Variants in PHC2 observed in about 807,000 individuals in gnomAD.
PHC2 encodes the protein polyhomeotic-like protein 2.
In PHC2, 29 loss-of-function variants were observed where a neutral mutation model predicts 87.4. The ratio of observed to expected loss-of-function variants is 0.33; its 90% CI spans 0.25 to 0.45. PHC2 has a LOEUF of 0.45. Ranked by LOEUF, PHC2 falls within the 20% of genes least tolerant of loss-of-function variation. The probability of loss-of-function intolerance (pLI) is 1.00; values close to 1 mark genes in which losing one functional copy is unlikely to be tolerated. For synonymous variants in PHC2, 438 were observed against 461.7 expected (o/e 0.95, Z 0.66); for missense variants, 857 against 1,136.7 (o/e 0.75, Z 3.54).
intron 8 of PHC2, 124 bp downstream of exon 8, chr1:33,354,714 T>G (rs1444833160): frequency 7.5e-7 from 1 of 1,338,370 alleles, no homozygotes; most frequent in Non-Finnish European, 1.0e-6. Context: ...CTCTTCCTTC[T>G]TGGAATCCCC....
At position 33,349,332 on chromosome 1, in the gene PHC2, G is replaced by A. The variant is rs1646911429; in HGVS notation, c.1558+5069C>T. On this transcript the variant is annotated intron_variant, in intron 9 of 14. Transcript: ENST00000683057. The surrounding 1 kb of genome is among the most constrained non-coding windows in gnomAD (Gnocchi z 4.2). ...AGGTTGGGGCTGGGGTGGGGTGTGC[G>A]GGGCCTGGGGACGCGGAAGCTGCGG... 1 of 985,418 alleles carries A rather than the reference G, an allele frequency of 1.0e-6. No individual in the cohort carries two copies. The highest frequency in any genetic ancestry group is 1.7e-5 in the African/African-American group (1 of 57,354). The allele number at this position is 985,418 out of a possible 1,614,324, so 61.0% of individuals were successfully genotyped here. A position where few individuals can be genotyped will look rare whatever the true frequency, so the allele number is the denominator to read the frequency against.
chr1:33,377,625 AAAT>A (rs1426371741), intron 1 of PHC2, among the ~76,000 whole-genome samples: 1 of 151,960 alleles, frequency 6.6e-6, no homozygotes, highest in African/African-American at 2.4e-5. Flanking sequence ...CTACATGGAA[AAAT>A]AATATTTGTT....
At chr1:33,340,049 G>C (rs1646714101) in intron 9 of PHC2, among the ~76,000 whole-genome samples, 1 of 152,176 alleles carries the variant, frequency 6.6e-6, no homozygotes, top group Non-Finnish European at 1.5e-5. Flanking sequence ...GGCTTCAAAG[G>C]CAATGGAGAC....
intron 7 of PHC2, among the ~76,000 whole-genome samples, chr1:33,356,277 G>GTACA (rs1557831088): frequency 1.4e-5 from 1 of 70,182 alleles, no homozygotes. Context: ...ATATATATAT[G>GTACA]TATATATATA....
At position 33,368,916 on chromosome 1, in the gene PHC2, C is replaced by A. The variant is rs1046905445; in HGVS notation, c.577-294G>T. 6.6e-6 allele frequency among the ~76,000 whole-genome samples: 1 copy of A among 152,234 alleles called. No homozygotes were observed. Among genetic ancestry groups the A allele is most frequent in the African/African-American group, 2.4e-5 (1 of 41,550 alleles). On this transcript the variant is annotated intron_variant, in intron 5 of 14. Transcript: ENST00000683057. The surrounding 1 kb of genome is among the most constrained non-coding windows in gnomAD (Gnocchi z 6.6). ...AGCCGCTCTGGGGCTACACCAAAGCCGAGTTCCCTTCAGAACCCTCTGTGA... is the reference window on the plus strand; with the variant it reads ...AGCCGCTCTGGGGCTACACCAAAGCAGAGTTCCCTTCAGAACCCTCTGTGA...
rs1353741106 is a variant in PHC2, at chr1:33,349,031, A to T, written c.1558+5370T>A. The T allele has an allele frequency of 2.1e-6, 2 of 970,376 alleles. No individual in the cohort carries two copies. The highest frequency in any genetic ancestry group is 3.5e-5 in the African/African-American group (2 of 56,906). The allele number at this position is 970,376 out of a possible 1,614,324, so 60.1% of individuals were successfully genotyped here. A position where few individuals can be genotyped will look rare whatever the true frequency, so the allele number is the denominator to read the frequency against. ...CTCACAAATCCCGATTTTAATGTAA[A>T]GAAGCAACAAATATAGTCTACCTTC... On this transcript the variant is annotated intron_variant, in intron 9 of 14. Coordinates refer to ENST00000683057, the MANE Select transcript of PHC2 (RefSeq NM_001385109.1). This position sits in a 1 kb window ranked among gnomAD's most constrained non-coding sequence, Gnocchi z 4.2.
At chr1:33,383,755 G>A (rs1026393928) in intron 1 of PHC2, among the ~76,000 whole-genome samples, 8 of 152,162 alleles carry the variant, frequency 5.3e-5, no homozygotes, top group African/African-American at 1.4e-4. Flanking sequence ...AATATAAGCA[G>A]TGTCCTTATA....
At chr1:33,347,705 C>T (rs1646870901) in intron 9 of PHC2, 1 of 985,480 alleles carries the variant, frequency 1.0e-6, no homozygotes, top group Non-Finnish European at 1.2e-6. Context: ...GTCTATTCTT[C>T]CCTGTGTGCA....
chr1:33,371,426 A>AGCCACCACCATCACACCCG (rs1647830178), intron 3 of PHC2, among the ~76,000 whole-genome samples: 1 of 151,378 alleles, frequency 6.6e-6, no homozygotes, highest in South Asian at 2.1e-4. Context: ...CATCACACCC[A>AGCCACCACCATCACACCCG]GCCACCACCA....
chr1:33,339,020 G>A (rs1438468643), intron 9 of PHC2, among the ~76,000 whole-genome samples: 1 of 152,168 alleles, frequency 6.6e-6, no homozygotes, highest in Admixed American at 6.5e-5. Context: ...CTCATTTCTG[G>A]TCTCATTCAC....
chr1:33,418,346 C>T (rs10914699), intron 1 of PHC2, among the ~76,000 whole-genome samples: 18 of 135,584 alleles, frequency 1.3e-4, no homozygotes, highest in African/African-American at 3.8e-4. Flanking sequence ...GAAAAAGGAG[C>T]AAGAGCAAGA....
In PHC2 at chr1:33,368,908, A is replaced by G. The variant is rs1315496073; in HGVS notation, c.577-286T>C. ...GTGGGGAGAGCCGCTCTGGGGCTACACCAAAGCCGAGTTCCCTTCAGAACC... is the reference window on the plus strand; with the variant it reads ...GTGGGGAGAGCCGCTCTGGGGCTACGCCAAAGCCGAGTTCCCTTCAGAACC... On this transcript the variant is annotated intron_variant, in intron 5 of 14. Coordinates refer to ENST00000683057, the MANE Select transcript of PHC2 (RefSeq NM_001385109.1). This position sits in a 1 kb window ranked among gnomAD's most constrained non-coding sequence, Gnocchi z 6.6. Among the ~76,000 whole-genome samples, 1 of 152,110 alleles carries G rather than the reference A, an allele frequency of 6.6e-6. No individual in the cohort carries two copies. The highest frequency in any genetic ancestry group is 1.9e-4 in the East Asian group (1 of 5,180).
intron 1 of PHC2, among the ~76,000 whole-genome samples, chr1:33,387,623 A>AT (rs1460716995): frequency 6.6e-6 from 1 of 152,178 alleles, no homozygotes; most frequent in Admixed American, 6.5e-5. Context: ...CTACTTCCTC[A>AT]TTTTTCTCAC....
Position 33,338,534 on chromosome 1 carries a change from G to A in PHC2, c.1559-4242C>T, listed in dbSNP as rs118084456. 4.2e-3 allele frequency among the ~76,000 whole-genome samples: 647 copies of A among 152,272 alleles called. 2 individuals carry two copies. The highest frequency in any genetic ancestry group is 6.2e-3 in the Non-Finnish European group (419 of 68,022). On this transcript the variant is annotated intron_variant, in intron 9 of 14. Coordinates refer to ENST00000683057, the MANE Select transcript of PHC2 (RefSeq NM_001385109.1). ...AGTTTGGGCTATTCCTGGAATGACC[G>A]AACACAATCTCGCCCCCTGCCAAGC...
chr1:33,421,823 G>A (rs1013824253), intron 1 of PHC2, among the ~76,000 whole-genome samples: 1 of 152,144 alleles, frequency 6.6e-6, no homozygotes, highest in Non-Finnish European at 1.5e-5. Flanking sequence ...AAGGTTCTTC[G>A]CTAACTGCAT....
At position 33,337,183 on chromosome 1, in the gene PHC2, T is replaced by C. The variant is rs189479868; in HGVS notation, c.1559-2891A>G. On this transcript the variant is annotated intron_variant, in intron 9 of 14. Coordinates refer to ENST00000683057, the MANE Select transcript of PHC2 (RefSeq NM_001385109.1). ...TAATGAACTGCAGATTATACAATTA[T>C]AGGATTGGAAAGTCTGGTTCGATCT... 3.3e-3 allele frequency among the ~76,000 whole-genome samples: 496 copies of C among 152,314 alleles called. 2 individuals carry two copies. Among genetic ancestry groups the C allele is most frequent in the Middle Eastern group, 0.017 (5 of 294 alleles).
At chr1:33,325,171 A>G in intron 14 of PHC2, 152 bp from the exon 15 acceptor site, 1 of 754,270 alleles carries the variant, frequency 1.3e-6, no homozygotes, top group South Asian at 2.1e-5. Flanking sequence ...TGCTGTTCTT[A>G]TTTTGCAGCT....
At position 33,324,591 on chromosome 1, in the gene PHC2, C is replaced by CTAGAG. The variant is rs1018213971; in HGVS notation, c.*269_*273dup. The CTAGAG allele has an allele frequency of 8.8e-6, 3 of 341,526 alleles. No individual in the cohort carries two copies. The highest frequency in any genetic ancestry group is 6.3e-5 in the African/African-American group (3 of 47,708). The allele number at this position is 341,526 out of a possible 1,614,324, so 21.2% of individuals were successfully genotyped here. Reference sequence around the variant, plus strand: ...ACAGAAAGAGGGGAAGAGAGCGGGGCTAGAGTATTGGGACTTTGGAGGAAG... The same window carrying CTAGAG: ...ACAGAAAGAGGGGAAGAGAGCGGGGCTAGAGTAGAGTATTGGGACTTTGGAGGAAG... On this transcript the variant is annotated 3_prime_UTR_variant, in exon 15 of 15. Transcript: ENST00000683057.
rs1647526590 is a variant in PHC2, at chr1:33,367,341, C to T, written c.751G>A (p.Ala251Thr). 2 of 1,613,048 alleles carry T rather than the reference C, an allele frequency of 1.2e-6. No homozygotes were observed. The highest frequency in any genetic ancestry group is 1.7e-6 in the Non-Finnish European group (2 of 1,179,322). ...TPTQPVLPSL[A>T]LKPTPGGSQP... ...CTACCGCCCGGCGTGGGTTTCAGGG[C>T]CAAGCTGGGCAGGACAGGCTGAGTG... The change falls in exon 7 of 15, where the codon GCC (alanine) becomes ACC (threonine). Residue 251 changes from alanine (A) to threonine (T), a missense_variant. By Grantham distance (58) the Ala-to-Thr change is moderately conservative. This residue lies in a region of PHC2 where 832 missense variants were observed against 1,081.8 expected (regional missense o/e 0.77). Coordinates refer to ENST00000683057, the MANE Select transcript of PHC2 (RefSeq NM_001385109.1).
Sources: allele counts gnomAD v4.1 joint callset (sites outside exome capture counted in the v4.1 genomes callset), GRCh38; gene constraint gnomAD v4.1.1; regional missense constraint gnomAD v4.1.1; non-coding constraint Gnocchi (gnomAD v3.1); transcripts MANE v1.5; gene names NCBI Gene and HGNC (gene_info 2026-07-23, HGNC 2026-07-21).